Variants in RYR3 observed in about 807,000 individuals in gnomAD.
The protein encoded by RYR3 is ryanodine receptor 3.
RYR3 carries 207 observed loss-of-function variants against 584.3 expected under a neutral mutation model. That is an observed-to-expected ratio of 0.35 (90% CI 0.32 to 0.40). The LOEUF (loss-of-function observed/expected upper bound fraction) is 0.40. RYR3 is among the 10% of genes least tolerant of loss of function. The pLI is 1.00. For synonymous variants in RYR3, 2,416 were observed against 2,248.5 expected, an observed-to-expected ratio of 1.07 and a Z score of -2.11; for missense variants, 5,616 against 6,089.2, an observed-to-expected ratio of 0.92 and a Z score of 2.59.
intron 43 of RYR3, among the ~76,000 whole-genome samples, chr15:33,712,764 G>A (rs1387463995): frequency 2.0e-5 from 3 of 152,178 alleles, no homozygotes; most frequent in African/African-American, 7.2e-5. Context: ...AGTAGAGAAT[G>A]GAGTAACTTG....
At chr15:33,841,779 C>G (rs570483727) in intron 90 of RYR3, 85 bp from the exon 91 acceptor site, 2 of 1,389,800 alleles carry the variant, frequency 1.4e-6, no homozygotes, top group South Asian at 2.9e-5. Flanking sequence ...CCCTCTCAAT[C>G]CAGATTTCTC....
intron 57 of RYR3, among the ~76,000 whole-genome samples, chr15:33,754,093 G>A (rs1380246135): frequency 6.6e-6 from 1 of 152,070 alleles, no homozygotes. Context: ...GCAGTGAGCC[G>A]AGATCATGCC....
chr15:33,685,508 C>T (rs1272061847), intron 38 of RYR3, among the ~76,000 whole-genome samples: 2 of 152,166 alleles, frequency 1.3e-5, no homozygotes, highest in African/African-American at 4.8e-5. Flanking sequence ...GAGACTTTAA[C>T]ACCCCACTGT....
intron 4 of RYR3, among the ~76,000 whole-genome samples, chr15:33,532,526 A>G (rs533951269): frequency 3.9e-4 from 60 of 152,304 alleles, no homozygotes; most frequent in Non-Finnish European, 7.2e-4. Flanking sequence ...TAATTGTACT[A>G]TTTTATATAT....
intron 36 of RYR3, 83 bp from the exon 37 acceptor site, chr15:33,669,271 G>C: frequency 1.0e-6 from 1 of 970,480 alleles, no homozygotes; most frequent in African/African-American, 1.6e-5. Flanking sequence ...TGAAAAGAAT[G>C]TAAGTGTCTG....
chr15:33,597,557 G>C (rs1393646493), intron 16 of RYR3, among the ~76,000 whole-genome samples: 1 of 148,724 alleles, frequency 6.7e-6, no homozygotes, highest in African/African-American at 2.5e-5. Flanking sequence ...GTTGCAGTGA[G>C]CCAAGATTGC....
chr15:33,646,867 G>T (rs1286072282), intron 29 of RYR3, among the ~76,000 whole-genome samples: 2 of 152,202 alleles, frequency 1.3e-5, no homozygotes, highest in Non-Finnish European at 2.9e-5. Flanking sequence ...GCTTTTGTGT[G>T]CAATTAGAAG....
chr15:33,842,015 A>G lies in RYR3; in HGVS notation c.13189A>G (p.Ile4397Val), dbSNP rs1247069021. ...AGCCAATTTCTTTAAAGGGCTGGAA[A>G]TCTATCAGACCAAGTTACTGGTAAG... Reference protein sequence around the residue: ...FTANFFKGLEIYQTKLLHYLA... With the variant: ...FTANFFKGLEVYQTKLLHYLA... The change falls in exon 91 of 104, where the codon ATC (isoleucine) becomes GTC (valine). Residue 4397 changes from isoleucine to valine, a missense_variant. By Grantham distance (29) the Ile-to-Val change is conservative (BLOSUM62 3). This residue lies in a region of RYR3 where 918 missense variants were observed against 887.4 expected (regional missense o/e 1.03). Transcript: ENST00000634891. 6.2e-6 allele frequency: 10 copies of G among 1,602,122 alleles called. No homozygotes were observed. The highest frequency in any genetic ancestry group is 7.7e-6 in the Non-Finnish European group (9 of 1,174,152).
At chr15:33,809,659 C>T (rs1190200410) in intron 70 of RYR3, among the ~76,000 whole-genome samples, 2 of 148,548 alleles carry the variant, frequency 1.3e-5, no homozygotes, top group Non-Finnish European at 3.0e-5. Context: ...TTGTTGAGGC[C>T]GAGTCTTGCT....
intron 2 of RYR3, among the ~76,000 whole-genome samples, chr15:33,494,879 C>T (rs1288083710): frequency 6.6e-6 from 1 of 152,140 alleles, no homozygotes; most frequent in Non-Finnish European, 1.5e-5. Context: ...ATAATAACAG[C>T]TCTTAACACA....
At chr15:33,500,742 G>T (rs907446450) in intron 2 of RYR3, among the ~76,000 whole-genome samples, 1 of 152,156 alleles carries the variant, frequency 6.6e-6, no homozygotes, top group African/African-American at 2.4e-5. Context: ...CCTCCTAGGG[G>T]ACTCTCATGG....
At chr15:33,623,753 G>A in intron 19 of RYR3, 54 bp from the exon 20 acceptor site, 3 of 1,271,762 alleles carry the variant, frequency 2.4e-6, no homozygotes, top group Non-Finnish European at 3.4e-6. Context: ...TCACTTATTT[G>A]GGCTGCATTG....
chr15:33,477,158 G>C (rs754851782), intron 2 of RYR3, among the ~76,000 whole-genome samples: 50 of 152,124 alleles, frequency 3.3e-4, no homozygotes, highest in Non-Finnish European at 5.1e-4. Flanking sequence ...TTCTCAGCTG[G>C]CTACAGAGCC....
intron 1 of RYR3, among the ~76,000 whole-genome samples, chr15:33,391,613 G>A (rs1271890128): frequency 1.1e-4 from 16 of 139,188 alleles, no homozygotes; most frequent in Admixed American, 7.3e-4. Context: ...GCGACAGAGC[G>A]AGACTCTGTC....
chr15:33,382,856 G>T (rs1349134340), intron 1 of RYR3, among the ~76,000 whole-genome samples: 2 of 152,066 alleles, frequency 1.3e-5, no homozygotes, highest in Non-Finnish European at 2.9e-5. Context: ...TCATGAAAAT[G>T]ATCCTTACAT....
At chr15:33,818,468 T>A in intron 75 of RYR3, 110 bp from the exon 76 acceptor site, 1 of 731,948 alleles carries the variant, frequency 1.4e-6, no homozygotes. Flanking sequence ...TTTTGTGCTT[T>A]AGTCTGATGC....
intron 74 of RYR3, among the ~76,000 whole-genome samples, chr15:33,814,940 G>A (rs1490715895): frequency 6.7e-6 from 1 of 148,298 alleles, no homozygotes; most frequent in Non-Finnish European, 1.5e-5. Flanking sequence ...TGTGGTGGCA[G>A]GAGCCTATAA....
At chr15:33,626,939 A>G (rs28612107) in intron 20 of RYR3, among the ~76,000 whole-genome samples, 46,560 of 151,940 alleles carry the variant, frequency 0.31, 8,080 homozygotes, top group East Asian at 0.46. Context: ...GAGAACTTCT[A>G]CTAGGGTGGT....
chr15:33,464,463 GATAT>G lies in RYR3; in HGVS notation c.52-8932_52-8929del, dbSNP rs569756898. Among the ~76,000 whole-genome samples, 34 of 79,242 alleles carry G rather than the reference GATAT, an allele frequency of 4.3e-4. 2 individuals carry two copies. The highest frequency in any genetic ancestry group is 1.6e-3 in the South Asian group (4 of 2,502). The allele number at this position is 79,242 out of a possible 152,430, so 52.0% of individuals were successfully genotyped here. A position where few individuals can be genotyped will look rare whatever the true frequency, so the allele number is the denominator to read the frequency against. Reference sequence around the variant, plus strand: ...AGAAGAGAGACTGTAGGGAGGTGGAGATATATATATATATATATATATATATACA... The same window carrying G: ...AGAAGAGAGACTGTAGGGAGGTGGAGATATATATATATATATATATATACA... On this transcript the variant is annotated intron_variant, in intron 1 of 103. Transcript: ENST00000634891.
Sources: gnomAD v4.1 joint callset for allele counts (sites outside exome capture counted in the v4.1 genomes callset) on GRCh38, gnomAD v4.1.1 for gene constraint, gnomAD v4.1.1 regional missense constraint, MANE v1.5 for transcripts, NCBI Gene and HGNC (gene_info 2026-07-23, HGNC 2026-07-21) for gene names.